Variants in TBC1D32 observed in about 807,000 individuals in gnomAD.
TBC1D32 encodes the protein protein broad-minded.
In TBC1D32, 151 loss-of-function variants were observed where a neutral mutation model predicts 170.3. The observed-to-expected ratio is 0.89, with a 90% confidence interval of 0.78 to 1.01. The LOEUF is 1.01. TBC1D32 is among the 50% of genes least tolerant of loss of function. The probability of loss-of-function intolerance (pLI) is 0.00; values close to 1 mark genes in which losing one functional copy is unlikely to be tolerated. For synonymous variants in TBC1D32, 498 were observed against 488.0 expected (o/e 1.02, Z -0.27); for missense variants, 1,464 against 1,457.1 (o/e 1.00, Z -0.08).
intron 29 of TBC1D32, among the ~76,000 whole-genome samples, chr6:121,111,975 T>G (rs1779248151): frequency 6.6e-6 from 1 of 152,126 alleles, no homozygotes; most frequent in Non-Finnish European, 1.5e-5. Flanking sequence ...CATTATAAAT[T>G]GATTGAAGGA....
At position 121,310,863 on chromosome 6, in the gene TBC1D32, C is replaced by T. The variant is rs1424825307; in HGVS notation, c.496-16G>A. ...ATTTGTAACTCTGTAACACAATTGT[C>T]AGGACATTCATTTATTTAGAAGGCT... On this transcript the variant is annotated splice_polypyrimidine_tract_variant and intron_variant, in intron 3 of 31. Transcript: ENST00000398212. 2 of 1,345,832 alleles carry T rather than the reference C, an allele frequency of 1.5e-6. No individual in the cohort carries two copies. Among genetic ancestry groups the T allele is most frequent in the Admixed American group, 1.8e-5 (1 of 55,374 alleles). The allele number at this position is 1,345,832 out of a possible 1,614,324, so 83.4% of individuals were successfully genotyped here. A position where few individuals can be genotyped will look rare whatever the true frequency, so the allele number is the denominator to read the frequency against.
chr6:121,169,037 T>G (rs1449733203), intron 22 of TBC1D32, among the ~76,000 whole-genome samples: 2 of 148,336 alleles, frequency 1.3e-5, no homozygotes, highest in Non-Finnish European at 3.0e-5. Context: ...TAAACTATAT[T>G]GACATTCTTT....
intron 17 of TBC1D32, among the ~76,000 whole-genome samples, chr6:121,254,617 T>TTTTA (rs1554288689): frequency 2.6e-5 from 4 of 151,614 alleles, no homozygotes; most frequent in Admixed American, 1.3e-4. Context: ...GCAGAAGGCT[T>TTTTA]TTTGATTGTT....
In TBC1D32 at chr6:121,109,099, A is replaced by C. The variant is rs1582809446; in HGVS notation, c.3325-2936T>G. On this transcript the variant is annotated intron_variant, in intron 29 of 31. Transcript: ENST00000398212. The stretch of plus-strand genomic sequence containing the variant: ...GTTTTACACTAGACATCTTTCCTAC[A>C]AGTGATTGGTCACATGGCTTACATT... Among the ~76,000 whole-genome samples the C allele has an allele frequency of 2.0e-5, 3 of 152,326 alleles. No individual in the cohort carries two copies. In the South Asian group the frequency reaches 6.2e-4, roughly 32 times the overall value.
chr6:121,231,690 G>A (rs1459196025), intron 20 of TBC1D32, among the ~76,000 whole-genome samples: 2 of 151,844 alleles, frequency 1.3e-5, no homozygotes, highest in Non-Finnish European at 2.9e-5. Context: ...ATTTTTCCAT[G>A]TGCTTGTTGG....
At chr6:121,325,211 C>CA (rs1241989773) in intron 1 of TBC1D32, among the ~76,000 whole-genome samples, 6,469 of 67,568 alleles carry the variant, frequency 0.096, 564 homozygotes, top group African/African-American at 0.28. Context: ...GACTCCATCT[C>CA]AAAAAAAAAA....
rs755250906 is a variant in TBC1D32 at position 121,310,796 on chromosome 6, G to T, written c.547C>A (p.Pro183Thr). The part of the protein sequence containing the change: ...KLQLILDQLD[P>T]GQPKEVRYEA... Reference sequence around the variant, plus strand: ...AAACTTACCTCTTTAGGTTGCCCAGGATCCAACTGGTCTAAAATCAATTGT... The same window carrying T: ...AAACTTACCTCTTTAGGTTGCCCAGTATCCAACTGGTCTAAAATCAATTGT... The change falls in exon 4 of 32, where the codon CCT becomes ACT. Residue 183 changes from proline to threonine, a missense_variant. Around this residue, in one of 3 missense-constraint regions of TBC1D32, gnomAD observed 1,363 missense variants for 1,338.1 expected, o/e 1.02. Transcript: ENST00000398212. 1.9e-6 allele frequency: 3 copies of T among 1,568,128 alleles called. No individual in the cohort carries two copies. Among genetic ancestry groups the T allele is most frequent in the South Asian group, 2.3e-5 (2 of 86,842 alleles).
intron 15 of TBC1D32, among the ~76,000 whole-genome samples, chr6:121,267,279 T>G (rs1044486345): frequency 3.3e-5 from 5 of 152,110 alleles, no homozygotes; most frequent in Admixed American, 3.3e-4. Flanking sequence ...TGTCGTACAC[T>G]GGGTGCAGCC....
chr6:121,250,139 T>C (rs1389865353), intron 17 of TBC1D32, among the ~76,000 whole-genome samples: 1 of 151,530 alleles, frequency 6.6e-6, no homozygotes. Context: ...AATAGGCAAG[T>C]ACGAATTCTA....
At chr6:121,263,642 C>T (rs1800068682) in intron 15 of TBC1D32, among the ~76,000 whole-genome samples, 1 of 152,186 alleles carries the variant, frequency 6.6e-6, no homozygotes, top group African/African-American at 2.4e-5. Flanking sequence ...ACAGAATATA[C>T]ATTCTTCTCA....
chr6:121,323,963 C>A (rs1412394495), intron 1 of TBC1D32, among the ~76,000 whole-genome samples: 1 of 152,076 alleles, frequency 6.6e-6, no homozygotes, highest in Non-Finnish European at 1.5e-5. Context: ...GATAAACTAA[C>A]TTGTAAGTAA....
intron 1 of TBC1D32, among the ~76,000 whole-genome samples, chr6:121,323,465 A>G (rs1226586207): frequency 6.6e-6 from 1 of 152,220 alleles, no homozygotes; most frequent in African/African-American, 2.4e-5. Flanking sequence ...TAATGCCTCA[A>G]TAAATATTTG....
intron 17 of TBC1D32, 91 bp from the exon 18 acceptor site, chr6:121,242,430 C>T: frequency 7.9e-7 from 1 of 1,271,280 alleles, no homozygotes; most frequent in Admixed American, 2.2e-5. Context: ...ACCCTGTTTA[C>T]AATTAAAGTT....
At chr6:121,153,635 G>A (rs1346042788) in intron 24 of TBC1D32, among the ~76,000 whole-genome samples, 1 of 152,124 alleles carries the variant, frequency 6.6e-6, no homozygotes, top group Non-Finnish European at 1.5e-5. Flanking sequence ...GGAGATGCGA[G>A]TTTTATCTAT....
intron 22 of TBC1D32, among the ~76,000 whole-genome samples, chr6:121,162,656 T>C (rs905706116): frequency 1.3e-5 from 2 of 152,142 alleles, no homozygotes; most frequent in Non-Finnish European, 2.9e-5. Flanking sequence ...AACCCCATCA[T>C]CTCAGCCCAA....
In TBC1D32 at chr6:121,199,462, G is replaced by A. The variant is rs576149332; in HGVS notation, c.2570+5613C>T. On this transcript the variant is annotated intron_variant, in intron 22 of 31. Transcript: ENST00000398212. ...TAACAGTGGTTACCATGAAGAGGTA[G>A]GGTAATGAGTGTTGCTTTCTCCTTT... 9.6e-4 allele frequency among the ~76,000 whole-genome samples: 145 copies of A among 151,426 alleles called. 8 individuals are homozygous for A. The highest frequency in any genetic ancestry group is 3.4e-3 in the African/African-American group (140 of 40,822).
chr6:121,109,658 A>G (rs987793842), intron 29 of TBC1D32, among the ~76,000 whole-genome samples: 1 of 152,152 alleles, frequency 6.6e-6, no homozygotes, highest in African/African-American at 2.4e-5. Context: ...TCTTAGTAGC[A>G]AAGAATAATT....
At chr6:121,304,889 A>T in intron 5 of TBC1D32, 56 bp from the exon 6 acceptor site, 1 of 1,169,976 alleles carries the variant, frequency 8.5e-7, no homozygotes, top group South Asian at 1.3e-5. Context: ...TAGAATAGAG[A>T]TGAAACATTT....
intron 15 of TBC1D32, among the ~76,000 whole-genome samples, chr6:121,277,487 CAAAA>C (rs755504493): frequency 9.6e-4 from 27 of 28,220 alleles, no homozygotes; most frequent in African/African-American, 2.7e-3. Context: ...GACTCCATCT[CAAAA>C]AAAAAAAAAA....
Sources: gnomAD v4.1 joint callset for allele counts (sites outside exome capture counted in the v4.1 genomes callset) on GRCh38, gnomAD v4.1.1 for gene constraint, gnomAD v4.1.1 regional missense constraint, MANE v1.5 for transcripts, NCBI Gene and HGNC (gene_info 2026-07-23, HGNC 2026-07-21) for gene names.